The following STPG2 variants were observed in gnomAD, a reference collection of about 807,000 sequenced individuals.
The protein encoded by STPG2 is sperm-tail PG-rich repeat-containing protein 2.
In STPG2, 56 loss-of-function variants were observed where a neutral mutation model predicts 54.2. The ratio of observed to expected loss-of-function variants is 1.03; its 90% CI spans 0.83 to 1.29. STPG2 has a LOEUF of 1.29. Among genes scored for constraint, STPG2 ranks in the 50% most tolerant of loss-of-function variants. The probability of loss-of-function intolerance (pLI) is 0.00; values close to 1 mark genes in which losing one functional copy is unlikely to be tolerated. For missense variants in STPG2, 596 were observed against 544.9 expected, an observed-to-expected ratio of 1.09 and a Z score of -0.93; for synonymous variants, 200 against 181.8, an observed-to-expected ratio of 1.10 and a Z score of -0.81.
At chr4:97,504,609 C>T (rs1050417395) in intron 4 of STPG2, among the ~76,000 whole-genome samples, 54 of 151,902 alleles carry the variant, frequency 3.6e-4, no homozygotes, top group Non-Finnish European at 6.6e-4. Context: ...ACTTTCCACT[C>T]TTTAAAATCC....
intron 4 of STPG2, among the ~76,000 whole-genome samples, chr4:97,548,783 A>G (rs1319896182): frequency 6.6e-6 from 1 of 152,180 alleles, no homozygotes; most frequent in East Asian, 1.9e-4. Flanking sequence ...GCAAATTCTG[A>G]TGATACTACT....
At chr4:97,725,275 A>T (rs1724583464) in intron 9 of STPG2, among the ~76,000 whole-genome samples, 2 of 152,024 alleles carry the variant, frequency 1.3e-5, no homozygotes, top group Admixed American at 6.6e-5. Context: ...AGGGAGACCA[A>T]GAAGAGAATA....
chr4:98,053,446 T>C lies in STPG2; in HGVS notation c.612+52507A>G, dbSNP rs573731713. Among the ~76,000 whole-genome samples the C allele has an allele frequency of 2.1e-3, 318 of 152,230 alleles. 1 individual carries two copies. Among genetic ancestry groups the C allele is most frequent in the Non-Finnish European group, 3.7e-3 (253 of 67,992 alleles). ...TAATATTCTGGATTCTATAGACACT[T>C]CCAGCAGAGACAAACTCTATTAGAG... On this transcript the variant is annotated intron_variant, in intron 5 of 10. Coordinates refer to ENST00000295268, the MANE Select transcript of STPG2 (RefSeq NM_174952.3).
chr4:97,636,001 T>C (rs1291159964), intron 10 of STPG2, among the ~76,000 whole-genome samples: 1 of 152,108 alleles, frequency 6.6e-6, no homozygotes, highest in East Asian at 1.9e-4. Context: ...CTAATAGACA[T>C]CTACAGAACT....
intron 3 of STPG2, among the ~76,000 whole-genome samples, chr4:98,122,108 A>T (rs986717609): frequency 9.6e-4 from 2 of 2,094 alleles, no homozygotes; most frequent in Non-Finnish European, 1.6e-3. Flanking sequence ...GGCTGAGACA[A>T]TTGGGCTTTC....
intron 9 of STPG2, among the ~76,000 whole-genome samples, chr4:97,836,258 C>G (rs1320892133): frequency 6.6e-6 from 1 of 151,864 alleles, no homozygotes; most frequent in African/African-American, 2.4e-5. Flanking sequence ...TTTCCAGAGC[C>G]ACCCCAACCT....
chr4:97,602,568 TACTC>T (rs1733492619), intron 10 of STPG2, among the ~76,000 whole-genome samples: 1 of 151,834 alleles, frequency 6.6e-6, no homozygotes, highest in Admixed American at 6.6e-5. Context: ...TTTGGATAGA[TACTC>T]TTAATTACAT....
At chr4:97,706,238 C>A (rs1022370805) in intron 10 of STPG2, among the ~76,000 whole-genome samples, 1 of 152,094 alleles carries the variant, frequency 6.6e-6, no homozygotes, top group African/African-American at 2.4e-5. Flanking sequence ...CACCCCTCTG[C>A]GAGTAGCTTG....
intron 5 of STPG2, among the ~76,000 whole-genome samples, chr4:98,081,075 A>G (rs10018654): frequency 0.4 from 60,163 of 152,032 alleles, 12,153 homozygotes; most frequent in Middle Eastern, 0.46. Flanking sequence ...TCTGAGAGCA[A>G]GGAAAAATTA....
At chr4:98,093,817 T>C (rs1738761482) in intron 5 of STPG2, among the ~76,000 whole-genome samples, 1 of 152,144 alleles carries the variant, frequency 6.6e-6, no homozygotes, top group Non-Finnish European at 1.5e-5. Flanking sequence ...AATAAAGCCA[T>C]GCTGAGCTCA....
At chr4:97,746,147 T>C (rs986843904) in intron 9 of STPG2, among the ~76,000 whole-genome samples, 2 of 151,260 alleles carry the variant, frequency 1.3e-5, no homozygotes, top group Non-Finnish European at 3.0e-5. Flanking sequence ...AACACACAGA[T>C]TCATAAGAAT....
chr4:97,639,980 A>G (rs879872828), intron 10 of STPG2, among the ~76,000 whole-genome samples: 3 of 152,110 alleles, frequency 2.0e-5, no homozygotes, highest in Non-Finnish European at 2.9e-5. Context: ...ACCGTATGAG[A>G]TAGGTTCATT....
intron 4 of STPG2, among the ~76,000 whole-genome samples, chr4:97,476,962 A>G (rs1356577926): frequency 6.6e-6 from 1 of 152,210 alleles, no homozygotes; most frequent in Admixed American, 6.5e-5. Flanking sequence ...CAGTTGGATA[A>G]TTAATTTCGG....
At chr4:97,690,987 G>A (rs755936902) in intron 10 of STPG2, among the ~76,000 whole-genome samples, 5 of 152,164 alleles carry the variant, frequency 3.3e-5, no homozygotes, top group East Asian at 1.9e-4. Flanking sequence ...TATTGCACCC[G>A]AGTGTCAATA....
chr4:97,871,280 T>C (rs1202812530), intron 8 of STPG2, among the ~76,000 whole-genome samples: 1 of 150,674 alleles, frequency 6.6e-6, no homozygotes, highest in Non-Finnish European at 1.5e-5. Flanking sequence ...AGAAAGGAAA[T>C]AAAGAAAAAG....
At chr4:97,927,222 T>C (rs1423406335) in intron 8 of STPG2, among the ~76,000 whole-genome samples, 2 of 59,934 alleles carry the variant, frequency 3.3e-5, no homozygotes, top group African/African-American at 1.2e-4. Flanking sequence ...CTCTATGTAT[T>C]ATAACTGATA....
intron 10 of STPG2, among the ~76,000 whole-genome samples, chr4:97,574,541 T>C (rs976811073): frequency 1.3e-5 from 2 of 152,056 alleles, no homozygotes; most frequent in Non-Finnish European, 2.9e-5. Context: ...CTTTTTGGCA[T>C]CTCTGTGTCA....
chr4:98,087,530 T>C (rs1738556244), intron 5 of STPG2, among the ~76,000 whole-genome samples: 1 of 151,502 alleles, frequency 6.6e-6, no homozygotes, highest in South Asian at 2.1e-4. Context: ...TATAATTGTA[T>C]CCCTTAATTC....
intron 5 of STPG2, among the ~76,000 whole-genome samples, chr4:98,064,016 T>A (rs11097605): frequency 6.6e-6 from 1 of 151,846 alleles, no homozygotes; most frequent in African/African-American, 2.4e-5. Flanking sequence ...AAAGGTGATA[T>A]AATAAAAGAT....
Sources: allele counts gnomAD v4.1 joint callset (sites outside exome capture counted in the v4.1 genomes callset), GRCh38; gene constraint gnomAD v4.1.1; transcripts MANE v1.5; gene names NCBI Gene and HGNC (gene_info 2026-07-23, HGNC 2026-07-21).